Variants in CFAP251 observed in about 807,000 individuals in gnomAD.
CFAP251 encodes the protein cilia- and flagella-associated protein 251.
CFAP251 carries 93 observed loss-of-function variants against 126.7 expected under a neutral mutation model. The observed-to-expected ratio is 0.73, with a 90% CI of 0.62 to 0.87. The LOEUF is 0.87. CFAP251 is among the 40% of genes least tolerant of loss of function. CFAP251 has a pLI of 0.00. For synonymous variants in CFAP251, 503 were observed against 506.9 expected, an observed-to-expected ratio of 0.99 and a Z score of 0.10; for missense variants, 1,287 against 1,389.2, an observed-to-expected ratio of 0.93 and a Z score of 1.17.
chr12:121,995,948 G>A (rs549849999), intron 19 of CFAP251, among the ~76,000 whole-genome samples: 2 of 152,224 alleles, frequency 1.3e-5, no homozygotes, highest in South Asian at 4.1e-4. Flanking sequence ...TAGGAAGGAA[G>A]TGCCCCAAAT....
At chr12:121,998,114 G>C (rs1593010194) in intron 19 of CFAP251, 1 of 151,400 alleles carries the variant, frequency 6.6e-6, no homozygotes, top group Non-Finnish European at 1.5e-5. Flanking sequence ...GCAGTGGCAT[G>C]ATCATGGGCT....
chr12:121,997,429 A>G (rs1467827828), intron 19 of CFAP251: 1 of 148,664 alleles, frequency 6.7e-6, no homozygotes, highest in Admixed American at 6.7e-5. Flanking sequence ...AAAGGCATGC[A>G]TGATGGCTCA....
At chr12:121,970,500 C>T (rs1882296790) in intron 17 of CFAP251, among the ~76,000 whole-genome samples, 1 of 152,226 alleles carries the variant, frequency 6.6e-6, no homozygotes, top group Admixed American at 6.5e-5. Flanking sequence ...GACCATTCCT[C>T]CTCCTCCTCA....
At chr12:121,967,408 A>G (rs961131844) in intron 16 of CFAP251, among the ~76,000 whole-genome samples, 1 of 152,194 alleles carries the variant, frequency 6.6e-6, no homozygotes, top group Non-Finnish European at 1.5e-5. Context: ...CTGCGTTGAA[A>G]AGTGTAAAGT....
chr12:121,992,327 C>G (rs953364767), intron 19 of CFAP251: 5 of 985,228 alleles, frequency 5.1e-6, no homozygotes, highest in East Asian at 1.1e-4. Flanking sequence ...TCAGTGATGC[C>G]GAAGCTGCCA....
intron 10 of CFAP251, among the ~76,000 whole-genome samples, chr12:121,956,182 G>A (rs1202837762): frequency 6.6e-6 from 1 of 152,196 alleles, no homozygotes; most frequent in Non-Finnish European, 1.5e-5. Context: ...AGGGTTTTAT[G>A]ATCACACTAA....
Position 121,977,882 on chromosome 12 carries a change from C to T in CFAP251, c.3006+2197C>T, listed in dbSNP as rs1263159319. Among the ~76,000 whole-genome samples, 2 of 150,596 alleles carry T rather than the reference C, an allele frequency of 1.3e-5. 1 individual carries two copies. The highest frequency in any genetic ancestry group is 4.9e-5 in the African/African-American group (2 of 40,928). ...GCTGAGGGAGGAGAATGGCGTGAAC[C>T]CGGGAGGCGGAGCTTGTAGTGAGCC... On this transcript the variant is annotated intron_variant, in intron 19 of 21. Transcript: ENST00000288912.
At chr12:121,979,818 A>C (rs1264339665) in intron 19 of CFAP251, among the ~76,000 whole-genome samples, 9 of 151,992 alleles carry the variant, frequency 5.9e-5, no homozygotes, top group Non-Finnish European at 1.3e-4. Context: ...CACCTGCATC[A>C]GCCTCTCAAA....
At chr12:121,964,823 C>T (rs1032458814) in intron 15 of CFAP251, among the ~76,000 whole-genome samples, 3 of 152,010 alleles carry the variant, frequency 2.0e-5, no homozygotes, top group Non-Finnish European at 2.9e-5. Context: ...CTCATGAACC[C>T]GGGAGGTGGA....
At chr12:121,975,458 T>C in intron 18 of CFAP251, 84 bp from the exon 19 acceptor site, 2 of 1,587,780 alleles carry the variant, frequency 1.3e-6, no homozygotes, top group Middle Eastern at 1.7e-4. Context: ...AAAGGTACTT[T>C]CTAGAAAATG....
intron 19 of CFAP251, 136 bp downstream of exon 19, chr12:121,975,821 A>G: frequency 2.2e-6 from 2 of 915,542 alleles, no homozygotes. Flanking sequence ...GGTTCTGGGC[A>G]TTTCAGATGC....
chr12:121,976,570 A>G (rs962780116), intron 19 of CFAP251, among the ~76,000 whole-genome samples: 1 of 152,158 alleles, frequency 6.6e-6, no homozygotes, highest in African/African-American at 2.4e-5. Flanking sequence ...AGCAGAGTCA[A>G]GAAGCATCTC....
rs766111273 is a variant in CFAP251, at chr12:121,942,520, G to A, written c.999-14G>A. ...GACCTCAGCAAGTGTCGCCCCCCTT[G>A]TCCTGTTTTGCAGTATTCCTGTGCA... On this transcript the variant is annotated splice_polypyrimidine_tract_variant and intron_variant, in intron 5 of 21. Transcript: ENST00000288912. The A allele has an allele frequency of 6.9e-6, 11 of 1,601,564 alleles. No homozygotes were observed. In the South Asian group the frequency reaches 1.2e-4, roughly 18 times the overall value.
Position 121,999,817 on chromosome 12 carries a change from C to T in CFAP251, c.3108C>T (p.Asn1036=), listed in dbSNP as rs777525537. 6.2e-7 allele frequency: 1 copy of T among 1,614,154 alleles called. No individual in the cohort carries two copies. The highest frequency in any genetic ancestry group is 1.1e-5 in the South Asian group (1 of 91,088). ...CAGATTTCCTAAAAGTGTACCTTAACCACAAGCCACCTTTTGGTAACACCA... is the reference window on the plus strand; with the variant it reads ...CAGATTTCCTAAAAGTGTACCTTAATCACAAGCCACCTTTTGGTAACACCA... ...NLPDFLKVYL[N]HKPPFGNTMS... is the part of the protein sequence containing the mutation. Residue 1036 remains asparagine, a synonymous_variant, in exon 20 of 22, where the codon AAC becomes AAT. Transcript: ENST00000288912.
chr12:122,002,549 AGAG>A (rs776606165), intron 21 of CFAP251, among the ~76,000 whole-genome samples: 1 of 145,268 alleles, frequency 6.9e-6, no homozygotes, highest in Non-Finnish European at 1.5e-5. Context: ...CAATTAAAAA[AGAG>A]AGAGAGAGAG....
intron 2 of CFAP251, among the ~76,000 whole-genome samples, chr12:121,922,055 A>G (rs1880203525): frequency 1.3e-5 from 2 of 151,550 alleles, no homozygotes; most frequent in African/African-American, 4.8e-5. Context: ...TTGGCCTCCC[A>G]AAGTGCTAGG....
intron 19 of CFAP251, among the ~76,000 whole-genome samples, chr12:121,985,051 C>T (rs1286630965): frequency 6.6e-6 from 1 of 152,172 alleles, no homozygotes; most frequent in Non-Finnish European, 1.5e-5. Flanking sequence ...CAATCCCTGA[C>T]ATTATTATTT....
intron 7 of CFAP251, among the ~76,000 whole-genome samples, chr12:121,947,047 T>A (rs1343984712): frequency 3.9e-5 from 6 of 152,196 alleles, no homozygotes; most frequent in African/African-American, 1.2e-4. Context: ...ATTCTTTCTT[T>A]ATTCTTCTTC....
At chr12:121,961,943 G>T (rs761698896) in intron 14 of CFAP251, 35 bp from the exon 15 acceptor site, 68 of 1,590,026 alleles carry the variant, frequency 4.3e-5, no homozygotes, top group Non-Finnish European at 5.6e-5. Context: ...AATTTGGCTT[G>T]GTCCTCATGT....
Sources: gnomAD v4.1 joint callset for allele counts (sites outside exome capture counted in the v4.1 genomes callset) on GRCh38, gnomAD v4.1.1 for gene constraint, MANE v1.5 for transcripts, NCBI Gene and HGNC (gene_info 2026-07-23, HGNC 2026-07-21) for gene names.